Variants in CDK15 observed in about 807,000 individuals in gnomAD.
CDK15 encodes the protein cyclin dependent kinase 15.
Under a neutral mutation model 60.3 loss-of-function variants are expected in CDK15, and 62 were observed. The ratio of observed to expected loss-of-function variants is 1.03; its 90% CI spans 0.84 to 1.27. The LOEUF (loss-of-function observed/expected upper bound fraction) is 1.27. Ranked by LOEUF, CDK15 falls within the 50% of genes most tolerant of loss-of-function variation. CDK15 has a pLI of 0.00. For synonymous variants in CDK15, 194 were observed against 195.7 expected, an observed-to-expected ratio of 0.99 and a Z score of 0.07; for missense variants, 541 against 527.8, an observed-to-expected ratio of 1.03 and a Z score of -0.25.
intron 4 of CDK15, among the ~76,000 whole-genome samples, chr2:201,812,938 T>C (rs1287142857): frequency 6.6e-6 from 1 of 152,134 alleles, no homozygotes; most frequent in Admixed American, 6.5e-5. Flanking sequence ...ACATAACATG[T>C]TGTTAGCTAG....
intron 10 of CDK15, among the ~76,000 whole-genome samples, chr2:201,864,871 A>G (rs1291781814): frequency 2.0e-5 from 3 of 152,270 alleles, no homozygotes; most frequent in Non-Finnish European, 4.4e-5. Context: ...AGTCCAGCCT[A>G]GAAATACAGA....
intron 13 of CDK15, 116 bp downstream of exon 13, chr2:201,891,043 T>C (rs1699624986): frequency 1.7e-6 from 1 of 576,836 alleles, no homozygotes; most frequent in East Asian, 3.0e-5. Flanking sequence ...CTAGTTCTTC[T>C]TCGCCAGCTC....
rs752903564 is a variant in CDK15, at chr2:201,847,418, C to T, written c.889C>T (p.Gln297Ter). Residue 297 changes from glutamine to a stop codon, truncating the protein, a stop_gained, in exon 9 of 14, where the codon CAA becomes TAA. Coordinates refer to ENST00000652192, the MANE Select transcript of CDK15 (RefSeq NM_001366386.2). LOFTEE classifies it high-confidence loss of function. The part of the protein sequence containing the change: ...GCIFIEMFQG[Q>*]PLFPGVSNIL... Reference sequence around the variant, plus strand: ...CATCTTTATTGAAATGTTCCAGGGTCAACCTTTGTTTCCTGGGGTTTCCAA... The same window carrying T: ...CATCTTTATTGAAATGTTCCAGGGTTAACCTTTGTTTCCTGGGGTTTCCAA... 7.4e-6 allele frequency: 12 copies of T among 1,613,944 alleles called. No homozygotes were observed. Among genetic ancestry groups the T allele is most frequent in the Non-Finnish European group, 1.0e-5 (12 of 1,180,004 alleles).
At chr2:201,874,082 GT>G (rs1462278038) in intron 11 of CDK15, among the ~76,000 whole-genome samples, 1 of 145,040 alleles carries the variant, frequency 6.9e-6, no homozygotes, top group Non-Finnish European at 1.5e-5. Flanking sequence ...AAAAAAAAAA[GT>G]TGGGGGGAGG....
rs568819382 is a variant in CDK15 at position 201,893,783 on chromosome 2, T to A, written c.*516T>A. On this transcript the variant is annotated 3_prime_UTR_variant, in exon 14 of 14. Coordinates refer to ENST00000652192, the MANE Select transcript of CDK15 (RefSeq NM_001366386.2). ...AAAAAGATGGTTTCTTGGATAACATTGTTAACAAAAGGACTTCCTGAGGAC... is the reference window on the plus strand; with the variant it reads ...AAAAAGATGGTTTCTTGGATAACATAGTTAACAAAAGGACTTCCTGAGGAC... The A allele has an allele frequency of 6.6e-6, 1 of 152,272 alleles. No homozygotes were observed. The highest frequency in any genetic ancestry group is 2.1e-4 in the South Asian group (1 of 4,830). The allele number at this position is 152,272 out of a possible 1,614,324, so 9.4% of individuals were successfully genotyped here.
In CDK15 at chr2:201,847,361, A is replaced by G. The variant is rs1306151159; in HGVS notation, c.852-20A>G. The G allele has an allele frequency of 8.7e-6, 14 of 1,601,300 alleles. No homozygotes were observed. Among genetic ancestry groups the G allele is most frequent in the Non-Finnish European group, 1.2e-5 (14 of 1,171,518 alleles). On this transcript the variant is annotated intron_variant, in intron 8 of 13. Coordinates refer to ENST00000652192, the MANE Select transcript of CDK15 (RefSeq NM_001366386.2). ...ATGATTTCTTTCAAAGTGTCAATTTACTCTTATTTCATTTGCTAGGGGTGC... is the reference window on the plus strand; with the variant it reads ...ATGATTTCTTTCAAAGTGTCAATTTGCTCTTATTTCATTTGCTAGGGGTGC...
rs1417170714 is a variant in CDK15 at position 201,854,871 on chromosome 2, T to C, written c.946-3T>C. 2 of 1,614,018 alleles carry C rather than the reference T, an allele frequency of 1.2e-6. No homozygotes were observed. Among genetic ancestry groups the C allele is most frequent in the Admixed American group, 1.7e-5 (1 of 60,030 alleles). On this transcript the variant is annotated splice_polypyrimidine_tract_variant and splice_region_variant and intron_variant, in intron 9 of 13. Transcript: ENST00000652192. ...TTCTTTTTCTTTGTTTGGCTTTATA[T>C]AGGTGCTGGGAGTCCCTACAGAGGA...
chr2:201,859,626 C>A (rs976487125), intron 10 of CDK15, among the ~76,000 whole-genome samples: 2 of 152,076 alleles, frequency 1.3e-5, no homozygotes, highest in Non-Finnish European at 2.9e-5. Context: ...GGGAGCCCAG[C>A]GGGGAGCCCA....
rs969870566 is a variant in CDK15, at chr2:201,829,293, G to A, written c.607-4555G>A. Among the ~76,000 whole-genome samples the A allele has an allele frequency of 4.6e-5, 7 of 152,046 alleles. 1 individual carries two copies. Among genetic ancestry groups the A allele is most frequent in the Admixed American group, 3.9e-4 (6 of 15,260 alleles). On this transcript the variant is annotated intron_variant, in intron 6 of 13. Transcript: ENST00000652192. ...ACTTCTCTCCCTCTACTCATTCCCT[G>A]AATGCTGGTGTCTGTTAAGGTTCCA...
At chr2:201,872,980 G>GA (rs74755662) in intron 11 of CDK15, among the ~76,000 whole-genome samples, 12,912 of 152,190 alleles carry the variant, frequency 0.085, 756 homozygotes, top group East Asian at 0.22. Flanking sequence ...GGGCAATGAG[G>GA]AAAACATCAG....
At chr2:201,842,405 T>G (rs1697432230) in intron 8 of CDK15, among the ~76,000 whole-genome samples, 1 of 152,202 alleles carries the variant, frequency 6.6e-6, no homozygotes, top group Non-Finnish European at 1.5e-5. Context: ...GAGAAAGTTG[T>G]CTCTGCCTAA....
At chr2:201,884,025 G>A (rs1699372004) in intron 12 of CDK15, among the ~76,000 whole-genome samples, 1 of 152,142 alleles carries the variant, frequency 6.6e-6, no homozygotes, top group Non-Finnish European at 1.5e-5. Context: ...CCTTCCAAAT[G>A]TTACCCTTGG....
intron 5 of CDK15, 130 bp from the exon 6 acceptor site, chr2:201,823,535 C>A: frequency 1.2e-6 from 1 of 813,516 alleles, no homozygotes; most frequent in Non-Finnish European, 2.1e-6. Context: ...GGTTATATTC[C>A]TTTTGCACCT....
At chr2:201,823,919 T>G (rs1254612561) in intron 6 of CDK15, among the ~76,000 whole-genome samples, 192 bp downstream of exon 6, 2 of 152,218 alleles carry the variant, frequency 1.3e-5, no homozygotes, top group Non-Finnish European at 2.9e-5. Context: ...GAAAAAGAGT[T>G]GCTGAGTTGC....
chr2:201,832,324 G>T (rs1696793060), intron 6 of CDK15, among the ~76,000 whole-genome samples: 1 of 152,222 alleles, frequency 6.6e-6, no homozygotes, highest in African/African-American at 2.4e-5. Flanking sequence ...GGGATTATAG[G>T]CGTGGGCCAC....
intron 10 of CDK15, among the ~76,000 whole-genome samples, chr2:201,859,874 A>G (rs1698311250): frequency 6.6e-6 from 1 of 152,248 alleles, no homozygotes. Flanking sequence ...TTGCTACAGA[A>G]TCATGTAGAG....
intron 4 of CDK15, among the ~76,000 whole-genome samples, chr2:201,814,358 C>T (rs1375444027): frequency 2.6e-5 from 4 of 152,102 alleles, no homozygotes; most frequent in African/African-American, 9.7e-5. Flanking sequence ...CTTACCTTAC[C>T]GAATGCTTTG....
intron 12 of CDK15, among the ~76,000 whole-genome samples, chr2:201,885,319 T>G (rs1196065752): frequency 6.6e-6 from 1 of 152,210 alleles, no homozygotes; most frequent in East Asian, 1.9e-4. Flanking sequence ...CAGAATATTT[T>G]GTCATTCTAT....
rs1322515451 is a variant in CDK15 at position 201,848,229 on chromosome 2, C to A, written c.945+755C>A. ...GCCAAATTCCTAAAGTGTCAAGGTG[C>A]CTTTGTGTGTGTATGCAGCTCCATT... On this transcript the variant is annotated intron_variant, in intron 9 of 13. Coordinates refer to ENST00000652192, the MANE Select transcript of CDK15 (RefSeq NM_001366386.2). Among the ~76,000 whole-genome samples the A allele has an allele frequency of 2.0e-5, 3 of 152,122 alleles. No individual in the cohort carries two copies. In the East Asian group the frequency reaches 5.8e-4, roughly 29 times the overall value.
Sources: allele counts gnomAD v4.1 joint callset (sites outside exome capture counted in the v4.1 genomes callset), GRCh38; gene constraint gnomAD v4.1.1; transcripts MANE v1.5; gene names NCBI Gene and HGNC (gene_info 2026-07-23, HGNC 2026-07-21).